The following CADM2 variants were observed in gnomAD, a reference collection of about 807,000 sequenced individuals.
CADM2 encodes the protein cell adhesion molecule 2, also known as immunoglobulin superfamily member 4D.
A neutral mutation model predicts 49.8 loss-of-function variants in CADM2; 12 were observed. That is an observed-to-expected ratio of 0.24 (90% confidence interval 0.15 to 0.39). The LOEUF (loss-of-function observed/expected upper bound fraction) is 0.39. Ranked by LOEUF, CADM2 falls within the 10% of genes least tolerant of loss-of-function variation. The pLI, the probability that CADM2 is intolerant of heterozygous loss-of-function variation, is 1.00. For synonymous variants in CADM2, 214 were observed against 175.4 expected (o/e 1.22, Z -1.74); for missense variants, 378 against 492.3 (o/e 0.77, Z 2.20).
At chr3:85,717,914 C>A (rs1350745128) in intron 1 of CADM2, among the ~76,000 whole-genome samples, 1 of 152,066 alleles carries the variant, frequency 6.6e-6, no homozygotes, top group Non-Finnish European at 1.5e-5. Flanking sequence ...ATTACAGGCA[C>A]CTGCCACCAC....
intron 1 of CADM2, among the ~76,000 whole-genome samples, chr3:85,578,036 CCCCCCT>C (rs1559922483): frequency 6.7e-6 from 1 of 149,390 alleles, no homozygotes; most frequent in Non-Finnish European, 1.5e-5. Context: ...TCCTTTCTTC[CCCCCCT>C]TTCTTTCTTA....
At chr3:85,068,110 T>C (rs1460009692) in intron 1 of CADM2, among the ~76,000 whole-genome samples, 2 of 152,204 alleles carry the variant, frequency 1.3e-5, no homozygotes, top group Non-Finnish European at 2.9e-5. Context: ...ACGCAGACTT[T>C]AGAGAATCAT....
chr3:85,794,866 T>G (rs2071531275), intron 2 of CADM2, among the ~76,000 whole-genome samples: 1 of 152,166 alleles, frequency 6.6e-6, no homozygotes, highest in Admixed American at 6.5e-5. Flanking sequence ...CAGATGTTGA[T>G]TCATACAAAG....
chr3:85,493,084 T>C (rs1004634079), intron 1 of CADM2, among the ~76,000 whole-genome samples: 10 of 152,156 alleles, frequency 6.6e-5, no homozygotes, highest in African/African-American at 1.2e-4. Flanking sequence ...GTTTATTGTT[T>C]CTTCTGCTTT....
At chr3:85,523,518 G>A (rs1464518101) in intron 1 of CADM2, among the ~76,000 whole-genome samples, 9 of 152,056 alleles carry the variant, frequency 5.9e-5, no homozygotes, top group Admixed American at 3.3e-4. Context: ...GAAAACTCAT[G>A]TAAATTTCCA....
chr3:85,609,334 T>C (rs1054335490), intron 1 of CADM2, among the ~76,000 whole-genome samples: 7 of 152,164 alleles, frequency 4.6e-5, no homozygotes, highest in African/African-American at 1.7e-4. Flanking sequence ...TACTATAGTA[T>C]ATTTGACTTT....
At chr3:85,207,056 G>GTT (rs952561507) in intron 1 of CADM2, among the ~76,000 whole-genome samples, 1 of 131,386 alleles carries the variant, frequency 7.6e-6, no homozygotes, top group African/African-American at 4.3e-5. Flanking sequence ...ATAAATGTGT[G>GTT]TGTGTGTGTG....
chr3:85,361,333 G>A (rs751702039), intron 1 of CADM2, among the ~76,000 whole-genome samples: 1 of 152,096 alleles, frequency 6.6e-6, no homozygotes, highest in Non-Finnish European at 1.5e-5. Flanking sequence ...CTAGAAATTG[G>A]TTGGCAGTTT....
intron 1 of CADM2, among the ~76,000 whole-genome samples, chr3:85,673,409 T>C (rs1403315809): frequency 6.6e-6 from 1 of 151,820 alleles, no homozygotes; most frequent in Non-Finnish European, 1.5e-5. Flanking sequence ...CAAGCTTATG[T>C]GAGTGTTCTC....
intron 1 of CADM2, among the ~76,000 whole-genome samples, chr3:85,505,134 G>A (rs1432360021): frequency 1.3e-5 from 2 of 152,208 alleles, no homozygotes; most frequent in Non-Finnish European, 2.9e-5. Flanking sequence ...ACAGTGCAGC[G>A]GCGGGCTGAA....
chr3:85,894,445 A>T (rs909958734), intron 5 of CADM2, among the ~76,000 whole-genome samples: 1 of 152,110 alleles, frequency 6.6e-6, no homozygotes, highest in Non-Finnish European at 1.5e-5. Flanking sequence ...ATGTATACAT[A>T]TGTAACTAAC....
chr3:85,131,689 T>C (rs1384915411), intron 1 of CADM2, among the ~76,000 whole-genome samples: 1 of 152,210 alleles, frequency 6.6e-6, no homozygotes, highest in Non-Finnish European at 1.5e-5. Flanking sequence ...TATGTCATAA[T>C]GACCCTTTTG....
At chr3:85,143,673 GCCTACTTACA>G (rs1008357320) in intron 1 of CADM2, among the ~76,000 whole-genome samples, 2 of 151,996 alleles carry the variant, frequency 1.3e-5, no homozygotes, top group Non-Finnish European at 2.9e-5. Flanking sequence ...AAATTTAAGG[GCCTACTTACA>G]CCTTCTAACT....
intron 1 of CADM2, among the ~76,000 whole-genome samples, chr3:85,188,203 C>A (rs1576073895): frequency 6.6e-6 from 1 of 151,994 alleles, no homozygotes; most frequent in Non-Finnish European, 1.5e-5. Flanking sequence ...ATGTTTTCAG[C>A]ATAACTTTTA....
chr3:85,252,104 A>G (rs540922696), intron 1 of CADM2, among the ~76,000 whole-genome samples: 2 of 152,004 alleles, frequency 1.3e-5, no homozygotes, highest in Admixed American at 1.3e-4. Context: ...ATAATGAGAG[A>G]AGTAAGCAAA....
At chr3:85,512,568 T>G (rs892442683) in intron 1 of CADM2, among the ~76,000 whole-genome samples, 1 of 152,068 alleles carries the variant, frequency 6.6e-6, no homozygotes, top group East Asian at 1.9e-4. Flanking sequence ...TATTAAAGGA[T>G]TTATTCTTAA....
At chr3:86,017,449 T>C (rs922066049) in intron 8 of CADM2, among the ~76,000 whole-genome samples, 4 of 152,096 alleles carry the variant, frequency 2.6e-5, no homozygotes, top group Admixed American at 1.3e-4. Context: ...AAGTATTTTT[T>C]GGCTGGTCAT....
At chr3:85,539,848 T>A (rs1458297848) in intron 1 of CADM2, among the ~76,000 whole-genome samples, 1 of 152,072 alleles carries the variant, frequency 6.6e-6, no homozygotes, top group Non-Finnish European at 1.5e-5. Context: ...TTGGATAAAA[T>A]CAGGATTTCA....
intron 1 of CADM2, among the ~76,000 whole-genome samples, chr3:85,146,988 T>C (rs888120768): frequency 4.6e-5 from 7 of 151,586 alleles, no homozygotes; most frequent in African/African-American, 1.7e-4. Context: ...ACTACATGAG[T>C]AAGGCCGGGC....
Sources: allele counts gnomAD v4.1 joint callset (sites outside exome capture counted in the v4.1 genomes callset), GRCh38; gene constraint gnomAD v4.1.1; transcripts MANE v1.5; gene names NCBI Gene and HGNC (gene_info 2026-07-23, HGNC 2026-07-21).